BCKDHB: variants seen among roughly 807,000 people sequenced by gnomAD.
BCKDHB encodes the protein 2-oxoisovalerate dehydrogenase subunit beta, mitochondrial.
Under a neutral mutation model 48.5 loss-of-function variants are expected in BCKDHB, and 41 were observed. The ratio of observed to expected loss-of-function variants is 0.85; its 90% CI spans 0.66 to 1.10. BCKDHB has a LOEUF of 1.10. BCKDHB is among the 50% of genes least tolerant of loss of function. BCKDHB has a pLI of 0.00. For synonymous variants in BCKDHB, 201 were observed against 174.8 expected (o/e 1.15, Z -1.18); for missense variants, 496 against 494.2 (o/e 1.00, Z -0.03).
At chr6:80,415,153 C>T in the BCKDHB span, among the ~76,000 whole-genome samples, 22 of 152,032 alleles carry the variant, frequency 1.4e-4, no homozygotes, top group African/African-American at 4.8e-4. Context: ...CAGCTGAAGG[C>T]GCTTTTGGGC....
intron 6 of BCKDHB, among the ~76,000 whole-genome samples, chr6:80,183,918 A>C (rs1773525933): frequency 6.6e-6 from 1 of 152,138 alleles, no homozygotes; most frequent in Non-Finnish European, 1.5e-5. Context: ...ATGGCTTGAT[A>C]ACTCATTTCT....
chr6:80,260,062 C>T (rs541887008), intron 8 of BCKDHB, among the ~76,000 whole-genome samples: 214 of 152,226 alleles, frequency 1.4e-3, no homozygotes, highest in Non-Finnish European at 2.6e-3. Context: ...TCTTCCTTTG[C>T]TTTAAAACAT....
At chr6:80,200,400 G>T (rs1314394215) in intron 6 of BCKDHB, among the ~76,000 whole-genome samples, 1 of 152,006 alleles carries the variant, frequency 6.6e-6, no homozygotes, top group Non-Finnish European at 1.5e-5. Context: ...TAAAATTTTT[G>T]GCCCTACTAT....
intron 9 of BCKDHB, among the ~76,000 whole-genome samples, chr6:80,326,114 T>G (rs1769020176): frequency 1.3e-5 from 2 of 152,220 alleles, no homozygotes; most frequent in African/African-American, 4.8e-5. Flanking sequence ...ATATTAACAA[T>G]GGTGGAAACC....
At chr6:80,217,087 A>G (rs1378871601) in intron 8 of BCKDHB, among the ~76,000 whole-genome samples, 2 of 152,122 alleles carry the variant, frequency 1.3e-5, no homozygotes. Context: ...TACTAAAAAT[A>G]CAAAAATTGC....
intron 2 of BCKDHB, 63 bp downstream of exon 2, chr6:80,127,687 A>T (rs938213326): frequency 1.4e-6 from 2 of 1,416,980 alleles, no homozygotes; most frequent in Non-Finnish European, 2.0e-6. Flanking sequence ...AGATTTGCTT[A>T]AAATATTTAT....
At chr6:80,321,241 G>A (rs1768700942) in intron 9 of BCKDHB, among the ~76,000 whole-genome samples, 1 of 152,188 alleles carries the variant, frequency 6.6e-6, no homozygotes, top group Non-Finnish European at 1.5e-5. Flanking sequence ...ATCAGTAGTG[G>A]TTAGGAGCAG....
chr6:80,465,547 A>G, the BCKDHB span, among the ~76,000 whole-genome samples: 1 of 152,142 alleles, frequency 6.6e-6, no homozygotes, highest in African/African-American at 2.4e-5. Flanking sequence ...CTTCATGGAG[A>G]CATGAATGCT....
the BCKDHB span, among the ~76,000 whole-genome samples, chr6:80,354,381 TCATGCCCAG>T: frequency 6.6e-6 from 1 of 152,066 alleles, no homozygotes; most frequent in Non-Finnish European, 1.5e-5. Context: ...GCACATGCCA[TCATGCCCAG>T]CTAATTTTTT....
At chr6:80,325,577 A>G (rs1768991483) in intron 9 of BCKDHB, among the ~76,000 whole-genome samples, 1 of 152,230 alleles carries the variant, frequency 6.6e-6, no homozygotes, top group Non-Finnish European at 1.5e-5. Flanking sequence ...TGTTTTGTAT[A>G]CAATGTAAAT....
intron 9 of BCKDHB, among the ~76,000 whole-genome samples, chr6:80,324,866 G>A (rs806848): frequency 0.83 from 125,636 of 152,200 alleles, 52,350 homozygotes; most frequent in Admixed American, 0.89. Context: ...CATTAAGGTC[G>A]TATTTCAACT....
the BCKDHB span, among the ~76,000 whole-genome samples, chr6:80,375,507 G>A: frequency 3.8e-3 from 572 of 151,350 alleles, no homozygotes; most frequent in African/African-American, 0.013. Flanking sequence ...AGTTATGATT[G>A]CCTTTTATTT....
At chr6:80,349,309 A>G (rs903741085), downstream of BCKDHB, among the ~76,000 whole-genome samples, 2 of 152,226 alleles carry the variant, frequency 1.3e-5, no homozygotes, top group Admixed American at 6.5e-5. Flanking sequence ...CAAATGGTCT[A>G]TACTAATTAC....
chr6:80,307,718 G>T lies in BCKDHB; in HGVS notation c.1038+34497G>T, dbSNP rs886579726. 3.2e-5 allele frequency: 31 copies of T among 977,142 alleles called. No individual in the cohort carries two copies. The African/African-American group carries it at 5.3e-4, about 17-fold the overall frequency. The allele number at this position is 977,142 out of a possible 1,614,324, so 60.5% of individuals were successfully genotyped here. On this transcript the variant is annotated intron_variant, in intron 9 of 9. Transcript: ENST00000320393. ...ACAACACTGTGTAAATGTCCAGATT[G>T]ACTTTTGTTAGACCATATTGTCAGA... is the stretch of plus-strand genomic sequence containing the variant.
chr6:80,334,900 A>G lies in BCKDHB; in HGVS notation c.1039-8764A>G, dbSNP rs1769496253. ...GTCATCATTTTTTATATGTATATATATATACTTTTTATTTTGTCTAATTTA... is the reference window on the plus strand; with the variant it reads ...GTCATCATTTTTTATATGTATATATGTATACTTTTTATTTTGTCTAATTTA... On this transcript the variant is annotated intron_variant, in intron 9 of 9. Coordinates refer to ENST00000320393, the MANE Select transcript of BCKDHB (RefSeq NM_183050.4). Among the ~76,000 whole-genome samples, 3 of 151,924 alleles carry G rather than the reference A, an allele frequency of 2.0e-5. No homozygotes were observed. In the South Asian group the frequency reaches 6.2e-4, roughly 31 times the overall value.
At chr6:80,401,554 CT>C in the BCKDHB span, among the ~76,000 whole-genome samples, 4 of 151,672 alleles carry the variant, frequency 2.6e-5, no homozygotes, top group East Asian at 7.7e-4. Context: ...ATTAAACCTC[CT>C]TTTTTATGTA....
At chr6:80,439,174 A>G in the BCKDHB span, among the ~76,000 whole-genome samples, 5 of 152,322 alleles carry the variant, frequency 3.3e-5, no homozygotes, top group Non-Finnish European at 7.4e-5. Flanking sequence ...TCTAACTGCT[A>G]GAGAGGCTGA....
chr6:80,444,062 G>T, the BCKDHB span, among the ~76,000 whole-genome samples: 1 of 151,856 alleles, frequency 6.6e-6, no homozygotes, highest in Admixed American at 6.6e-5. Flanking sequence ...TGGGTAAATT[G>T]GTGACCTAAT....
At chr6:80,292,383 C>G (rs1426412039) in intron 9 of BCKDHB, among the ~76,000 whole-genome samples, 2 of 152,040 alleles carry the variant, frequency 1.3e-5, no homozygotes, top group South Asian at 4.1e-4. Context: ...GGAGGTCTTA[C>G]AAGGCAGCAA....
Sources: allele counts gnomAD v4.1 joint callset (sites outside exome capture counted in the v4.1 genomes callset), GRCh38; gene constraint gnomAD v4.1.1; transcripts MANE v1.5; gene names NCBI Gene and HGNC (gene_info 2026-07-23, HGNC 2026-07-21).